ZNF804A: variants seen among roughly 807,000 people sequenced by gnomAD.
ZNF804A encodes zinc finger protein 804A.
A neutral mutation model predicts 16.5 loss-of-function variants in ZNF804A; 2 were observed. The observed-to-expected ratio is 0.12, with a 90% CI of 0.05 to 0.38. The LOEUF is 0.38. Ranked by LOEUF, ZNF804A falls within the 10% of genes least tolerant of loss-of-function variation. The probability of loss-of-function intolerance (pLI) is 0.99; values close to 1 mark genes in which losing one functional copy is unlikely to be tolerated. For missense variants in ZNF804A, 1,473 were observed against 1,390.7 expected, an observed-to-expected ratio of 1.06 and a Z score of -0.94; for synonymous variants, 534 against 489.6, an observed-to-expected ratio of 1.09 and a Z score of -1.20.
chr2:184,710,784 A>G (rs1338961514), intron 1 of ZNF804A, among the ~76,000 whole-genome samples: 2 of 151,782 alleles, frequency 1.3e-5, no homozygotes, highest in Non-Finnish European at 2.9e-5. Context: ...GTGATAAGCC[A>G]ATTTCACTTA....
intron 1 of ZNF804A, among the ~76,000 whole-genome samples, chr2:184,773,878 A>G (rs1447746604): frequency 2.6e-5 from 4 of 151,980 alleles, no homozygotes; most frequent in African/African-American, 9.7e-5. Flanking sequence ...GAGCCAACAG[A>G]AAACACCATA....
chr2:184,718,929 G>A (rs1484412364), intron 1 of ZNF804A, among the ~76,000 whole-genome samples: 3 of 152,092 alleles, frequency 2.0e-5, no homozygotes, highest in African/African-American at 7.2e-5. Context: ...GATTCTGTGT[G>A]GGGATTCTGC....
intron 2 of ZNF804A, among the ~76,000 whole-genome samples, chr2:184,924,985 A>G (rs888778943): frequency 4.6e-5 from 7 of 152,150 alleles, no homozygotes; most frequent in African/African-American, 1.7e-4. Context: ...AGAATGATCC[A>G]TATAATGAAG....
intron 1 of ZNF804A, among the ~76,000 whole-genome samples, chr2:184,710,065 T>G (rs1056463323): frequency 2.6e-5 from 4 of 151,280 alleles, no homozygotes; most frequent in African/African-American, 9.7e-5. Context: ...GTTTTTTTAT[T>G]TGTTATTCTT....
At chr2:184,790,683 A>G (rs1694524975) in intron 1 of ZNF804A, among the ~76,000 whole-genome samples, 1 of 151,924 alleles carries the variant, frequency 6.6e-6, no homozygotes, top group African/African-American at 2.4e-5. Context: ...GGCTCACTGC[A>G]AGCTCCCCCT....
intron 2 of ZNF804A, among the ~76,000 whole-genome samples, chr2:184,917,794 TACACACACACAC>T (rs148689593): frequency 1.4e-5 from 2 of 143,012 alleles, no homozygotes; most frequent in Non-Finnish European, 3.1e-5. Context: ...AACTAGCACA[TACACACACACAC>T]ACACACACAC....
intron 1 of ZNF804A, among the ~76,000 whole-genome samples, chr2:184,654,177 GC>G (rs1402224726): frequency 6.6e-6 from 1 of 152,172 alleles, no homozygotes; most frequent in Non-Finnish European, 1.5e-5. Flanking sequence ...TTTTGCTATA[GC>G]CCGGTTCTGA....
chr2:184,618,610 C>T (rs11898849), intron 1 of ZNF804A, among the ~76,000 whole-genome samples: 5,170 of 152,148 alleles, frequency 0.034, 305 homozygotes, highest in African/African-American at 0.11. Flanking sequence ...TGGAACCAAA[C>T]CCCCTGTAAA....
chr2:184,861,862 T>C (rs1695805400), intron 1 of ZNF804A, among the ~76,000 whole-genome samples: 1 of 152,190 alleles, frequency 6.6e-6, no homozygotes, highest in Admixed American at 6.5e-5. Flanking sequence ...TTTATTATAC[T>C]GCCAAGTTGC....
chr2:184,768,347 A>G (rs939295937), intron 1 of ZNF804A, among the ~76,000 whole-genome samples: 4 of 152,066 alleles, frequency 2.6e-5, no homozygotes, highest in African/African-American at 7.2e-5. Flanking sequence ...AAAGACCACT[A>G]TACTGCAATG....
intron 1 of ZNF804A, among the ~76,000 whole-genome samples, chr2:184,702,360 T>G (rs933457324): frequency 6.6e-6 from 1 of 152,092 alleles, no homozygotes. Context: ...AGAAGTTATG[T>G]GCATTTCATA....
intron 1 of ZNF804A, among the ~76,000 whole-genome samples, chr2:184,736,448 C>A (rs1427157863): frequency 6.6e-6 from 1 of 152,090 alleles, no homozygotes; most frequent in African/African-American, 2.4e-5. Flanking sequence ...ATGTCCTTTG[C>A]AGAGACGTGG....
chr2:184,922,703 T>A (rs557048551), intron 2 of ZNF804A, among the ~76,000 whole-genome samples: 103 of 152,108 alleles, frequency 6.8e-4, no homozygotes, highest in African/African-American at 2.4e-3. Context: ...GTTTCCCCAG[T>A]GTTTTCTTTT....
chr2:184,900,725 A>G (rs1201517130), intron 2 of ZNF804A, among the ~76,000 whole-genome samples: 2 of 152,160 alleles, frequency 1.3e-5, no homozygotes, highest in Non-Finnish European at 2.9e-5. Flanking sequence ...GTGATACAGG[A>G]CACAGATTTG....
chr2:184,724,957 G>C (rs1693382897), intron 1 of ZNF804A, among the ~76,000 whole-genome samples: 1 of 151,770 alleles, frequency 6.6e-6, no homozygotes, highest in South Asian at 2.1e-4. Context: ...TAATGTGAAA[G>C]AGTTGCATTT....
chr2:184,762,748 C>A (rs555855283), intron 1 of ZNF804A, among the ~76,000 whole-genome samples: 1 of 152,090 alleles, frequency 6.6e-6, no homozygotes, highest in South Asian at 2.1e-4. Flanking sequence ...TATTATTTGT[C>A]TATTTTTATT....
At chr2:184,712,152 TGTA>T (rs1365931618) in intron 1 of ZNF804A, among the ~76,000 whole-genome samples, 1 of 151,726 alleles carries the variant, frequency 6.6e-6, no homozygotes, top group Admixed American at 6.6e-5. Flanking sequence ...ATCAGAGTTA[TGTA>T]GTTTTCAGTG....
chr2:184,680,702 G>T (rs1052033820), intron 1 of ZNF804A, among the ~76,000 whole-genome samples: 1 of 152,364 alleles, frequency 6.6e-6, no homozygotes, highest in East Asian at 1.9e-4. Context: ...ATTCCTGGAT[G>T]TGGGACAATA....
intron 1 of ZNF804A, among the ~76,000 whole-genome samples, chr2:184,825,395 T>A (rs1695147473): frequency 6.6e-6 from 1 of 152,166 alleles, no homozygotes; most frequent in South Asian, 2.1e-4. Context: ...GATACATTGA[T>A]GAATAATAAC....
Sources: allele counts gnomAD v4.1 joint callset (sites outside exome capture counted in the v4.1 genomes callset), GRCh38; gene constraint gnomAD v4.1.1; transcripts MANE v1.5; gene names NCBI Gene and HGNC (gene_info 2026-07-23, HGNC 2026-07-21).